Variants in SULT1E1 observed in about 807,000 individuals in gnomAD.
The protein encoded by SULT1E1 is sulfotransferase family 1E member 1.
A neutral mutation model predicts 33.6 loss-of-function variants in SULT1E1; 36 were observed. That is an observed-to-expected ratio of 1.07 (90% CI 0.82 to 1.41). The LOEUF (loss-of-function observed/expected upper bound fraction) is 1.41. Among genes scored for constraint, SULT1E1 ranks in the 40% most tolerant of loss-of-function variants. The pLI, the probability that SULT1E1 is intolerant of heterozygous loss-of-function variation, is 0.00. For missense variants in SULT1E1, 371 were observed against 345.7 expected (o/e 1.07, Z -0.58); for synonymous variants, 121 against 111.7 (o/e 1.08, Z -0.53).
At chr4:69,851,819 T>C (rs547635529) in intron 4 of SULT1E1, among the ~76,000 whole-genome samples, 3 of 152,296 alleles carry the variant, frequency 2.0e-5, no homozygotes, top group South Asian at 4.1e-4. Flanking sequence ...TTCATGTCCT[T>C]TGTAGGGACA....
the SULT1E1 span, among the ~76,000 whole-genome samples, chr4:69,834,121 G>T: frequency 6.6e-6 from 1 of 152,150 alleles, no homozygotes; most frequent in African/African-American, 2.4e-5. Context: ...TAATTATCCA[G>T]ATCCTACTCC....
chr4:69,832,725 G>A, the SULT1E1 span, among the ~76,000 whole-genome samples: 3 of 152,148 alleles, frequency 2.0e-5, no homozygotes, highest in African/African-American at 7.2e-5. Context: ...GACCTGCTCA[G>A]GCACGTCTGG....
intron 7 of SULT1E1, among the ~76,000 whole-genome samples, 189 bp from the exon 8 acceptor site, chr4:69,842,295 T>G (rs1179827841): frequency 6.6e-6 from 1 of 152,194 alleles, no homozygotes; most frequent in Admixed American, 6.5e-5. Context: ...CCTAATTGGT[T>G]TAAAAAAACA....
intron 4 of SULT1E1, among the ~76,000 whole-genome samples, chr4:69,853,235 G>T (rs1332024964): frequency 6.6e-6 from 1 of 152,016 alleles, no homozygotes; most frequent in Non-Finnish European, 1.5e-5. Context: ...GAACAGAATT[G>T]GTGGTCTCAG....
At chr4:69,830,480 C>A in the SULT1E1 span, among the ~76,000 whole-genome samples, 1 of 152,332 alleles carries the variant, frequency 6.6e-6, no homozygotes, top group East Asian at 1.9e-4. Flanking sequence ...CTGGCTTGGT[C>A]TTTCATCTGC....
chr4:69,847,330 C>T (rs1031326264), intron 6 of SULT1E1, among the ~76,000 whole-genome samples: 1 of 151,362 alleles, frequency 6.6e-6, no homozygotes, highest in Non-Finnish European at 1.5e-5. Context: ...TAGGACCTAT[C>T]TAACAATTGC....
chr4:69,849,465 C>T lies in SULT1E1; in HGVS notation c.468G>A (p.Glu156=). ...GTCCTTGCATGAATTTCTCCACAAACTCTGGAAAGGATCCAGGATTTGGAT... is the reference window on the plus strand; with the variant it reads ...GTCCTTGCATGAATTTCTCCACAAATTCTGGAAAGGATCCAGGATTTGGAT... ...AGHPNPGSFP[E]FVEKFMQGQV... The change falls in exon 5 of 8, where the codon GAG becomes GAA. Residue 156 remains glutamate (E), a synonymous_variant. Coordinates refer to ENST00000226444, the MANE Select transcript of SULT1E1 (RefSeq NM_005420.3). 6.2e-7 allele frequency: 1 copy of T among 1,611,130 alleles called. No individual in the cohort carries two copies. The highest frequency in any genetic ancestry group is 8.5e-7 in the Non-Finnish European group (1 of 1,177,868).
In SULT1E1 at chr4:69,844,160, C is replaced by A; in HGVS notation, c.772+1G>T. 2 of 1,613,876 alleles carry A rather than the reference C, an allele frequency of 1.2e-6. No individual in the cohort carries two copies. The highest frequency in any genetic ancestry group is 8.5e-7 in the Non-Finnish European group (1 of 1,179,858). ...ATCGAGGCAAACCACATTTTTCTCA[C>A]CCTTTCTCATGAAGGGCGACAATTT... On this transcript the variant is annotated splice_donor_variant, in intron 7 of 7. Transcript: ENST00000226444. LOFTEE classifies it high-confidence loss of function.
intron 4 of SULT1E1, 56 bp downstream of exon 4, chr4:69,854,161 C>T (rs990979651): frequency 7.2e-6 from 9 of 1,251,742 alleles, no homozygotes; most frequent in East Asian, 7.0e-5. Flanking sequence ...CTGATGAGAT[C>T]ACTCTATCAT....
chr4:69,826,420 C>A, the SULT1E1 span, among the ~76,000 whole-genome samples: 1 of 152,126 alleles, frequency 6.6e-6, no homozygotes, highest in Non-Finnish European at 1.5e-5. Flanking sequence ...ATTCCTCGGT[C>A]CTCCTTGTGG....
At position 69,855,094 on chromosome 4, in the gene SULT1E1, T is replaced by A. The variant is rs557430593; in HGVS notation, c.271+207A>T. Among the ~76,000 whole-genome samples, 3 of 152,186 alleles carry A rather than the reference T, an allele frequency of 2.0e-5. No individual in the cohort carries two copies. In the South Asian group the frequency reaches 6.2e-4, roughly 32 times the overall value. Reference sequence around the variant, plus strand: ...TGCTGAAGGCATACAAGAATTGTCCTTATTCACTCTATTCCAGACATATGC... The same window carrying A: ...TGCTGAAGGCATACAAGAATTGTCCATATTCACTCTATTCCAGACATATGC... On this transcript the variant is annotated intron_variant, in intron 3 of 7. Transcript: ENST00000226444.
intron 6 of SULT1E1, among the ~76,000 whole-genome samples, chr4:69,846,816 C>T (rs1720986627): frequency 6.6e-6 from 1 of 151,636 alleles, no homozygotes; most frequent in Non-Finnish European, 1.5e-5. Flanking sequence ...GGGTGTAAAA[C>T]AGGTATCTCA....
the SULT1E1 span, among the ~76,000 whole-genome samples, chr4:69,829,980 C>G: frequency 6.6e-6 from 1 of 152,212 alleles, no homozygotes; most frequent in East Asian, 1.9e-4. Flanking sequence ...AGTGGTTAGT[C>G]CTGGGTGTGG....
the SULT1E1 span, among the ~76,000 whole-genome samples, chr4:69,825,670 G>A: frequency 1.3e-5 from 2 of 152,144 alleles, no homozygotes; most frequent in South Asian, 2.1e-4. Flanking sequence ...GGGCTGAGCC[G>A]AGTGTCAATA....
At chr4:69,821,980 A>G in the SULT1E1 span, among the ~76,000 whole-genome samples, 4 of 152,212 alleles carry the variant, frequency 2.6e-5, no homozygotes, top group Non-Finnish European at 5.9e-5. Flanking sequence ...TTAATTATGT[A>G]TAGTTGCTCA....
rs765790939 is a variant in SULT1E1, at chr4:69,842,000, C to A, written c.879G>T (p.Glu293Asp). 2 of 1,580,384 alleles carry A rather than the reference C, an allele frequency of 1.3e-6. No homozygotes were observed. The highest frequency in any genetic ancestry group is 1.7e-6 in the Non-Finnish European group (2 of 1,156,704). Residue 293 changes from glutamate to aspartate, a missense_variant, in exon 8 of 8, where the codon GAG becomes GAT. Transcript: ENST00000226444. Reference sequence around the variant, plus strand: ...TAAGTAAAGAAAGACCTTCTTAGATCTCAGTTCGAAACTTCAGTGTAGATT... The same window carrying A: ...TAAGTAAAGAAAGACCTTCTTAGATATCAGTTCGAAACTTCAGTGTAGATT... ...MKESTLKFRT[E>D]I is the part of the protein sequence containing the mutation.
the SULT1E1 span, among the ~76,000 whole-genome samples, chr4:69,825,258 A>G: frequency 6.6e-6 from 1 of 152,134 alleles, no homozygotes; most frequent in African/African-American, 2.4e-5. Context: ...CCACCAAAAA[A>G]GAAATTCCGG....
At chr4:69,840,817 C>A (rs763724670), downstream of SULT1E1, among the ~76,000 whole-genome samples, 1 of 151,978 alleles carries the variant, frequency 6.6e-6, no homozygotes, top group African/African-American at 2.4e-5. Context: ...GAGGCTGAGG[C>A]GGGTGGATCA....
At chr4:69,851,566 C>T (rs1045297301) in intron 4 of SULT1E1, among the ~76,000 whole-genome samples, 6 of 152,102 alleles carry the variant, frequency 3.9e-5, no homozygotes, top group African/African-American at 1.2e-4. Context: ...GTCAGTATGG[C>T]GATCCCTCAG....
Sources: allele counts gnomAD v4.1 joint callset (sites outside exome capture counted in the v4.1 genomes callset), GRCh38; gene constraint gnomAD v4.1.1; transcripts MANE v1.5; gene names NCBI Gene and HGNC (gene_info 2026-07-23, HGNC 2026-07-21).